Variants in QKI observed in about 807,000 individuals in gnomAD.
The protein encoded by QKI is QKI, KH domain containing RNA binding.
Under a neutral mutation model 39.0 loss-of-function variants are expected in QKI, and 10 were observed. The ratio of observed to expected loss-of-function variants is 0.26; its 90% CI spans 0.16 to 0.43. QKI has a LOEUF of 0.43. Among genes scored for constraint, QKI ranks in the 20% least tolerant of loss-of-function variants. QKI has a pLI of 1.00. For missense variants in QKI, 218 were observed against 428.0 expected, an observed-to-expected ratio of 0.51 and a Z score of 4.33; for synonymous variants, 204 against 155.4, an observed-to-expected ratio of 1.31 and a Z score of -2.33.
At chr6:163,514,895 A>G (rs973523800) in intron 3 of QKI, among the ~76,000 whole-genome samples, 1 of 152,210 alleles carries the variant, frequency 6.6e-6, no homozygotes, top group Non-Finnish European at 1.5e-5. Context: ...AGCTATAACT[A>G]CATTGAAATG....
At chr6:163,475,762 A>G (rs889473339) in intron 2 of QKI, among the ~76,000 whole-genome samples, 15 of 152,214 alleles carry the variant, frequency 9.9e-5, no homozygotes, top group Non-Finnish European at 1.5e-4. Context: ...CGAAAGACTT[A>G]ACAATAAAGC....
rs766736532 is a variant in QKI at position 163,517,007 on chromosome 6, A to C, written c.403-17975A>C. On this transcript the variant is annotated intron_variant, in intron 3 of 7. Coordinates refer to ENST00000361752, the MANE Select transcript of QKI (RefSeq NM_006775.3). ...AGGTGAAGCTTTAAAGAAAAGCTTA[A>C]CAAGTTTCAACCAGAGAAGCAGTAG... Among the ~76,000 whole-genome samples, 59 of 152,184 alleles carry C rather than the reference A, an allele frequency of 3.9e-4. 1 individual carries two copies. The highest frequency in any genetic ancestry group is 1.2e-3 in the Admixed American group (18 of 15,284).
rs367646321 is a variant in QKI, at chr6:163,563,736, A to G, written c.934+17A>G. The G allele has an allele frequency of 6.7e-5, 108 of 1,603,174 alleles. No homozygotes were observed. The African/African-American group carries it at 7.9e-4, about 12-fold the overall frequency. On this transcript the variant is annotated intron_variant, in intron 6 of 7. Coordinates refer to ENST00000361752, the MANE Select transcript of QKI (RefSeq NM_006775.3). ...GTGTATTAGGTAAGTTCTTCTCCCC[A>G]TGGGGTTAACAACATTCTCTTTATA...
At chr6:163,534,571 CCTT>C in intron 3 of QKI, among the ~76,000 whole-genome samples, 1 of 152,276 alleles carries the variant, frequency 6.6e-6, no homozygotes. Flanking sequence ...ACCTTGATGA[CCTT>C]CTGTTTACTT....
intron 3 of QKI, among the ~76,000 whole-genome samples, chr6:163,520,698 T>A (rs867719633): frequency 2.0e-5 from 3 of 152,188 alleles, no homozygotes; most frequent in South Asian, 4.1e-4. Context: ...TTTCAAGTTA[T>A]TAACATATTT....
intron 4 of QKI, among the ~76,000 whole-genome samples, chr6:163,540,875 T>C (rs1310337462): frequency 6.6e-6 from 1 of 152,086 alleles, no homozygotes; most frequent in Non-Finnish European, 1.5e-5. Flanking sequence ...TTCAAATATC[T>C]ACTTTTTTTT....
At chr6:163,475,354 T>C (rs1792504657) in intron 2 of QKI, among the ~76,000 whole-genome samples, 1 of 152,224 alleles carries the variant, frequency 6.6e-6, no homozygotes, top group Non-Finnish European at 1.5e-5. Flanking sequence ...CTTGTCATTA[T>C]TTCCTAAGCA....
chr6:163,528,992 A>G (rs1209590467), intron 3 of QKI, among the ~76,000 whole-genome samples: 1 of 152,134 alleles, frequency 6.6e-6, no homozygotes, highest in East Asian at 1.9e-4. Context: ...CTTTTGACCC[A>G]TCTTGTCTCC....
chr6:163,519,492 G>A (rs1230149892), intron 3 of QKI, among the ~76,000 whole-genome samples: 1 of 151,760 alleles, frequency 6.6e-6, no homozygotes, highest in African/African-American at 2.4e-5. Context: ...TTGAGTTCAG[G>A]TTCTGGGCCT....
intron 1 of QKI, among the ~76,000 whole-genome samples, chr6:163,445,131 T>C (rs1790049736): frequency 6.6e-6 from 1 of 152,178 alleles, no homozygotes; most frequent in South Asian, 2.1e-4. Flanking sequence ...TGTAATTCTT[T>C]ATTTTGAAAT....
chr6:163,537,923 A>G (rs1305213706), intron 4 of QKI, among the ~76,000 whole-genome samples: 2 of 152,204 alleles, frequency 1.3e-5, no homozygotes, highest in Non-Finnish European at 2.9e-5. Flanking sequence ...AGAAAAGAAT[A>G]CAAAACTCCT....
intron 1 of QKI, among the ~76,000 whole-genome samples, chr6:163,450,901 G>A (rs1790513676): frequency 6.6e-6 from 1 of 152,214 alleles, no homozygotes; most frequent in African/African-American, 2.4e-5. Context: ...GGCTCCAGAA[G>A]GAGGTTCTGG....
intron 1 of QKI, among the ~76,000 whole-genome samples, chr6:163,420,628 A>G (rs1453948931): frequency 3.3e-5 from 5 of 152,152 alleles, no homozygotes; most frequent in African/African-American, 7.2e-5. Context: ...TGACATTAAG[A>G]CAGCTTAATG....
chr6:163,518,103 T>C (rs1479255781), intron 3 of QKI, among the ~76,000 whole-genome samples: 1 of 152,196 alleles, frequency 6.6e-6, no homozygotes, highest in Admixed American at 6.5e-5. Context: ...CAAAGTAAGA[T>C]TCTAGTTTAT....
intron 2 of QKI, among the ~76,000 whole-genome samples, chr6:163,458,135 G>A (rs1369731863): frequency 7.1e-6 from 1 of 141,244 alleles, no homozygotes; most frequent in African/African-American, 2.6e-5. Flanking sequence ...TCAAAAGTAG[G>A]AACTCAGATT....
chr6:163,519,177 A>AAT (rs1304016986), intron 3 of QKI, among the ~76,000 whole-genome samples: 1 of 152,186 alleles, frequency 6.6e-6, no homozygotes, highest in East Asian at 1.9e-4. Context: ...CATTTCACTG[A>AAT]ATAAACACCT....
At chr6:163,448,671 A>C (rs1790334012) in intron 1 of QKI, among the ~76,000 whole-genome samples, 1 of 152,142 alleles carries the variant, frequency 6.6e-6, no homozygotes, top group Non-Finnish European at 1.5e-5. Context: ...CAGGAGGCGG[A>C]GGTTGCAGTG....
chr6:163,558,599 C>T (rs1194092368), intron 4 of QKI, among the ~76,000 whole-genome samples: 1 of 152,004 alleles, frequency 6.6e-6, no homozygotes, highest in Non-Finnish European at 1.5e-5. Context: ...AGAGTTTCAC[C>T]ATGTTGGCCA....
chr6:163,534,995 G>T lies in QKI; in HGVS notation c.416G>T (p.Arg139Ile). The change falls in exon 4 of 8, where the codon AGA (arginine) becomes ATA (isoleucine). Residue 139 changes from arginine (R) to isoleucine (I), a missense_variant. Physicochemically the swap from Arg to Ile is moderately conservative, Grantham distance 97. Coordinates refer to ENST00000361752, the MANE Select transcript of QKI (RefSeq NM_006775.3). ...MRDKKKEEQNRGKPNWEHLNE... is the reference protein window; with the variant it reads ...MRDKKKEEQNIGKPNWEHLNE... Reference sequence around the variant, plus strand: ...TAAATTTTTTAGGAGGAGCAAAATAGAGGCAAGCCCAATTGGGAGCATCTA... The same window carrying T: ...TAAATTTTTTAGGAGGAGCAAAATATAGGCAAGCCCAATTGGGAGCATCTA... 1 of 1,605,160 alleles carries T rather than the reference G, an allele frequency of 6.2e-7. No individual in the cohort carries two copies. The highest frequency in any genetic ancestry group is 1.1e-5 in the South Asian group (1 of 88,402).
Sources: gnomAD v4.1 joint callset for allele counts (sites outside exome capture counted in the v4.1 genomes callset) on GRCh38, gnomAD v4.1.1 for gene constraint, MANE v1.5 for transcripts, NCBI Gene and HGNC (gene_info 2026-07-23, HGNC 2026-07-21) for gene names.